SGCZ: variants seen among roughly 807,000 people sequenced by gnomAD.
The protein encoded by SGCZ is sarcoglycan zeta.
SGCZ carries 40 observed loss-of-function variants against 41.3 expected under a neutral mutation model. The observed-to-expected ratio is 0.97, with a 90% CI of 0.75 to 1.26. SGCZ has a LOEUF of 1.26. SGCZ is among the 50% of genes most tolerant of loss of function. SGCZ has a pLI of 0.00. For missense variants in SGCZ, 552 were observed against 369.8 expected, an observed-to-expected ratio of 1.49 and a Z score of -4.04; for synonymous variants, 206 against 137.5, an observed-to-expected ratio of 1.50 and a Z score of -3.49.
chr8:14,734,381 T>A (rs930658750), intron 1 of SGCZ, among the ~76,000 whole-genome samples: 5 of 152,082 alleles, frequency 3.3e-5, no homozygotes, highest in African/African-American at 1.2e-4. Context: ...TATTTGAAAC[T>A]CTAAATTTAA....
At chr8:14,768,859 G>T (rs776006240) in intron 1 of SGCZ, among the ~76,000 whole-genome samples, 1 of 151,832 alleles carries the variant, frequency 6.6e-6, no homozygotes, top group African/African-American at 2.4e-5. Context: ...ACTGACAAAG[G>T]GTTCATTTAA....
chr8:14,449,571 T>C (rs1037932), intron 2 of SGCZ, among the ~76,000 whole-genome samples: 36,482 of 152,092 alleles, frequency 0.24, 4,729 homozygotes, highest in Non-Finnish European at 0.3. Context: ...GGTCAGTTCA[T>C]TGAGTCTGTG....
chr8:14,453,949 C>T (rs1262321269), intron 2 of SGCZ, among the ~76,000 whole-genome samples: 7 of 151,968 alleles, frequency 4.6e-5, no homozygotes, highest in African/African-American at 1.7e-4. Flanking sequence ...CAGAAATATT[C>T]TTATATTGTA....
intron 4 of SGCZ, among the ~76,000 whole-genome samples, chr8:14,179,659 G>C (rs548169109): frequency 5.3e-5 from 8 of 152,166 alleles, no homozygotes; most frequent in Non-Finnish European, 1.0e-4. Flanking sequence ...ATCCCCAAAA[G>C]ATACAGGGGC....
intron 1 of SGCZ, among the ~76,000 whole-genome samples, chr8:14,683,694 G>T (rs1024658268): frequency 1.3e-5 from 2 of 152,052 alleles, no homozygotes; most frequent in African/African-American, 2.4e-5. Context: ...TAGTACAAGT[G>T]TATAATTCTT....
chr8:15,027,835 AT>A (rs1349349009), intron 1 of SGCZ, among the ~76,000 whole-genome samples: 1 of 152,094 alleles, frequency 6.6e-6, no homozygotes, highest in South Asian at 2.1e-4. Flanking sequence ...TGTAAGATAT[AT>A]TTATAGTGTA....
chr8:15,099,437 A>T (rs567290555), intron 1 of SGCZ, among the ~76,000 whole-genome samples: 266 of 152,298 alleles, frequency 1.7e-3, no homozygotes, highest in African/African-American at 6.1e-3. Context: ...GGAGGAATAC[A>T]TCCTTTGAAT....
intron 1 of SGCZ, among the ~76,000 whole-genome samples, chr8:15,155,524 A>G (rs948352476): frequency 1.3e-5 from 2 of 152,174 alleles, no homozygotes; most frequent in African/African-American, 2.4e-5. Flanking sequence ...TGTATTCACA[A>G]GTAAGTTGAG....
intron 3 of SGCZ, among the ~76,000 whole-genome samples, chr8:14,301,556 A>G (rs17119018): frequency 0.24 from 36,492 of 152,054 alleles, 4,611 homozygotes; most frequent in East Asian, 0.35. Flanking sequence ...ATTGACTTAC[A>G]TGAAATCTGG....
intron 1 of SGCZ, among the ~76,000 whole-genome samples, chr8:14,889,008 A>G (rs1804911133): frequency 6.6e-6 from 1 of 152,136 alleles, no homozygotes; most frequent in South Asian, 2.1e-4. Context: ...CAAAACCTAC[A>G]CAAAGTAACA....
At chr8:14,738,776 A>G (rs988877091) in intron 1 of SGCZ, among the ~76,000 whole-genome samples, 2 of 151,860 alleles carry the variant, frequency 1.3e-5, no homozygotes, top group African/African-American at 2.4e-5. Flanking sequence ...AGATAACCCT[A>G]CTAACTATGC....
intron 2 of SGCZ, among the ~76,000 whole-genome samples, chr8:14,401,625 G>A (rs553768235): frequency 1.3e-5 from 2 of 151,402 alleles, no homozygotes; most frequent in African/African-American, 2.4e-5. Context: ...ACTCATCATT[G>A]TTTATGGCTG....
At chr8:14,144,626 G>A (rs184872932) in intron 5 of SGCZ, among the ~76,000 whole-genome samples, 2 of 152,186 alleles carry the variant, frequency 1.3e-5, no homozygotes, top group Admixed American at 6.5e-5. Flanking sequence ...ACCAAGTCTT[G>A]TATCTTAAGT....
At chr8:14,574,701 T>C (rs536411015) in intron 1 of SGCZ, among the ~76,000 whole-genome samples, 1 of 152,330 alleles carries the variant, frequency 6.6e-6, no homozygotes, top group East Asian at 1.9e-4. Context: ...CATGTAAAAC[T>C]GTGGTCAAAT....
At chr8:15,155,878 C>T (rs775820355) in intron 1 of SGCZ, among the ~76,000 whole-genome samples, 2 of 151,796 alleles carry the variant, frequency 1.3e-5, no homozygotes, top group African/African-American at 2.4e-5. Context: ...GACAACATGG[C>T]GAAACTCTGT....
chr8:15,132,969 A>G (rs537138574), intron 1 of SGCZ, among the ~76,000 whole-genome samples: 8 of 152,070 alleles, frequency 5.3e-5, no homozygotes, highest in Non-Finnish European at 1.2e-4. Context: ...ATGAAACCCC[A>G]TATCTACAAA....
intron 1 of SGCZ, among the ~76,000 whole-genome samples, chr8:14,786,491 G>A (rs1007263194): frequency 1.3e-5 from 2 of 151,988 alleles, no homozygotes; most frequent in Non-Finnish European, 2.9e-5. Flanking sequence ...ATGATACAAC[G>A]TACATGAGAA....
chr8:14,319,301 C>G (rs111382934), intron 3 of SGCZ, among the ~76,000 whole-genome samples: 3 of 151,834 alleles, frequency 2.0e-5, no homozygotes, highest in Admixed American at 2.0e-4. Flanking sequence ...GGATTTCTTC[C>G]GGCAATATTC....
At chr8:14,120,410 A>C (rs1487282386) in intron 5 of SGCZ, among the ~76,000 whole-genome samples, 2 of 152,134 alleles carry the variant, frequency 1.3e-5, no homozygotes, top group Non-Finnish European at 2.9e-5. Context: ...ATCAACATCA[A>C]ACTTATTGGT....
Sources: gnomAD v4.1 joint callset for allele counts (sites outside exome capture counted in the v4.1 genomes callset) on GRCh38, gnomAD v4.1.1 for gene constraint, MANE v1.5 for transcripts, NCBI Gene and HGNC (gene_info 2026-07-23, HGNC 2026-07-21) for gene names.